Variants in AUTS2 observed in about 807,000 individuals in gnomAD.
AUTS2 encodes the protein autism susceptibility gene 2 protein.
Under a neutral mutation model 112.4 loss-of-function variants are expected in AUTS2, and 17 were observed. The ratio of observed to expected loss-of-function variants is 0.15; its 90% CI spans 0.10 to 0.23. AUTS2 has a LOEUF of 0.23. AUTS2 is among the 10% of genes least tolerant of loss of function. AUTS2 has a pLI of 1.00. For synonymous variants in AUTS2, 751 were observed against 702.7 expected (o/e 1.07, Z -1.09); for missense variants, 1,510 against 1,701.6 (o/e 0.89, Z 1.98).
intron 2 of AUTS2, among the ~76,000 whole-genome samples, chr7:70,035,225 T>C (rs1286312555): frequency 1.3e-5 from 2 of 152,206 alleles, no homozygotes; most frequent in Non-Finnish European, 2.9e-5. Context: ...ATTGCTTGAC[T>C]TTTAAATCCC....
intron 1 of AUTS2, among the ~76,000 whole-genome samples, chr7:69,818,350 G>T (rs1418122220): frequency 6.6e-6 from 1 of 152,108 alleles, no homozygotes; most frequent in African/African-American, 2.4e-5. Context: ...GCAGGTTGTG[G>T]CAAAAATGAT....
intron 4 of AUTS2, among the ~76,000 whole-genome samples, chr7:70,233,417 C>T (rs1812160706): frequency 6.6e-6 from 1 of 151,910 alleles, no homozygotes; most frequent in African/African-American, 2.4e-5. Context: ...TGTGGTTTTT[C>T]TTTTCAAACA....
At chr7:70,415,087 G>C (rs922136365) in intron 4 of AUTS2, among the ~76,000 whole-genome samples, 1 of 152,186 alleles carries the variant, frequency 6.6e-6, no homozygotes, top group African/African-American at 2.4e-5. Flanking sequence ...CAACTCCTTC[G>C]AGAGAGGTCT....
intron 5 of AUTS2, among the ~76,000 whole-genome samples, chr7:70,576,127 C>A (rs549793877): frequency 1.3e-5 from 2 of 152,104 alleles, no homozygotes; most frequent in Non-Finnish European, 2.9e-5. Context: ...GGCAGATGTA[C>A]ATTTTTTATT....
chr7:70,748,497 G>C (rs898749443), intron 6 of AUTS2, among the ~76,000 whole-genome samples: 1 of 152,144 alleles, frequency 6.6e-6, no homozygotes, highest in African/African-American at 2.4e-5. Context: ...TGTTCCTAAA[G>C]ATTATTATAG....
intron 1 of AUTS2, among the ~76,000 whole-genome samples, chr7:69,761,092 CT>C (rs1328600362): frequency 2.0e-5 from 3 of 152,136 alleles, no homozygotes; most frequent in African/African-American, 7.2e-5. Context: ...TTCCCCTCTA[CT>C]AGCTTGGGGT....
At chr7:69,926,828 G>C (rs1402334672) in intron 2 of AUTS2, among the ~76,000 whole-genome samples, 2 of 143,890 alleles carry the variant, frequency 1.4e-5, no homozygotes, top group Non-Finnish European at 3.0e-5. Flanking sequence ...AAGATATATA[G>C]TATATATAAG....
In AUTS2 at chr7:70,739,275, G is replaced by T. The variant is rs187536659; in HGVS notation, c.743-23595G>T. Among the ~76,000 whole-genome samples, 12 of 151,192 alleles carry T rather than the reference G, an allele frequency of 7.9e-5. No homozygotes were observed. The East Asian group carries it at 2.2e-3, about 27-fold the overall frequency. ...ACTCCTGGGCTCAAGCAATCCTCCT[G>T]CCTCGGTCTCCCGAGTAGCTTGGAC... is the stretch of plus-strand genomic sequence containing the variant. On this transcript the variant is annotated intron_variant, in intron 6 of 18. Transcript: ENST00000342771.
chr7:70,402,926 C>T (rs148701071), intron 4 of AUTS2, among the ~76,000 whole-genome samples: 1 of 152,296 alleles, frequency 6.6e-6, no homozygotes, highest in East Asian at 1.9e-4. Context: ...AGAGACACTG[C>T]TGTTTTCCTT....
intron 4 of AUTS2, among the ~76,000 whole-genome samples, chr7:70,383,962 C>T (rs1178913135): frequency 6.6e-6 from 1 of 152,236 alleles, no homozygotes; most frequent in Admixed American, 6.5e-5. Flanking sequence ...AAGTCATCCC[C>T]TAGCCAACTT....
intron 5 of AUTS2, among the ~76,000 whole-genome samples, chr7:70,650,859 G>C (rs1027805899): frequency 6.6e-6 from 1 of 152,174 alleles, no homozygotes; most frequent in Non-Finnish European, 1.5e-5. Flanking sequence ...ATGACAGTTA[G>C]ACATAAATTA....
At chr7:69,859,947 G>A (rs1461935138) in intron 1 of AUTS2, among the ~76,000 whole-genome samples, 1 of 152,122 alleles carries the variant, frequency 6.6e-6, no homozygotes, top group Middle Eastern at 3.2e-3. Context: ...GTAGCAGAGT[G>A]AATGAATTGG....
intron 2 of AUTS2, among the ~76,000 whole-genome samples, chr7:69,962,014 A>G (rs908381202): frequency 6.6e-6 from 1 of 152,122 alleles, no homozygotes; most frequent in African/African-American, 2.4e-5. Context: ...CAGCTCTGTG[A>G]TAGCTTGTTT....
intron 4 of AUTS2, among the ~76,000 whole-genome samples, chr7:70,144,806 C>T (rs1807045907): frequency 6.6e-6 from 1 of 152,048 alleles, no homozygotes; most frequent in South Asian, 2.1e-4. Flanking sequence ...ATTAATTTTT[C>T]TGCCATGCCA....
At chr7:70,275,667 G>C (rs936537831) in intron 4 of AUTS2, among the ~76,000 whole-genome samples, 3 of 152,164 alleles carry the variant, frequency 2.0e-5, no homozygotes, top group African/African-American at 7.2e-5. Flanking sequence ...GGAGGGATCT[G>C]GTGGAGAGAA....
At chr7:70,136,029 CAGT>C (rs1300623296) in intron 4 of AUTS2, among the ~76,000 whole-genome samples, 2 of 151,782 alleles carry the variant, frequency 1.3e-5, no homozygotes, top group African/African-American at 4.8e-5. Context: ...TTTTTATTGT[CAGT>C]AGGATCACCC....
chr7:69,812,523 A>G (rs1040347463), intron 1 of AUTS2, among the ~76,000 whole-genome samples: 3 of 152,178 alleles, frequency 2.0e-5, no homozygotes, highest in African/African-American at 7.2e-5. Context: ...TGTGAAATTT[A>G]TTGCTCTGCC....
intron 1 of AUTS2, among the ~76,000 whole-genome samples, chr7:69,862,601 A>C (rs1351327435): frequency 6.6e-6 from 1 of 152,128 alleles, no homozygotes; most frequent in African/African-American, 2.4e-5. Flanking sequence ...ATGAGGTTTT[A>C]ATCCAGTTAC....
chr7:69,775,733 C>A (rs181780128), intron 1 of AUTS2, among the ~76,000 whole-genome samples: 6 of 152,218 alleles, frequency 3.9e-5, no homozygotes, highest in Admixed American at 2.0e-4. Context: ...GTCTGTGTTT[C>A]CCACGTGGGC....
Sources: gnomAD v4.1 joint callset for allele counts (sites outside exome capture counted in the v4.1 genomes callset) on GRCh38, gnomAD v4.1.1 for gene constraint, MANE v1.5 for transcripts, NCBI Gene and HGNC (gene_info 2026-07-23, HGNC 2026-07-21) for gene names.